Variants in CUX2 observed in about 807,000 individuals in gnomAD.
CUX2 encodes homeobox protein cut-like 2.
CUX2 carries 40 observed loss-of-function variants against 144.8 expected under a neutral mutation model. That is an observed-to-expected ratio of 0.28 (90% CI 0.21 to 0.36). CUX2 has a LOEUF of 0.36. Among genes scored for constraint, CUX2 ranks in the 10% least tolerant of loss-of-function variants. The pLI, the probability that CUX2 is intolerant of heterozygous loss-of-function variation, is 1.00. For synonymous variants in CUX2, 827 were observed against 875.6 expected, an observed-to-expected ratio of 0.94 and a Z score of 0.98; for missense variants, 1,615 against 1,994.0, an observed-to-expected ratio of 0.81 and a Z score of 3.62.
chr12:111,328,709 C>T (rs1887939211), intron 18 of CUX2, among the ~76,000 whole-genome samples: 1 of 151,760 alleles, frequency 6.6e-6, no homozygotes, highest in Non-Finnish European at 1.5e-5. Context: ...AAGCAATTCT[C>T]CTGCCTCAGT....
At chr12:111,249,644 A>G (rs1883471541) in intron 3 of CUX2, among the ~76,000 whole-genome samples, 1 of 151,472 alleles carries the variant, frequency 6.6e-6, no homozygotes, top group South Asian at 2.1e-4. Flanking sequence ...TTTAGTAGAG[A>G]CAGGGTTTCA....
At chr12:111,152,643 G>A (rs1404333740) in intron 1 of CUX2, among the ~76,000 whole-genome samples, 1 of 152,250 alleles carries the variant, frequency 6.6e-6, no homozygotes, top group Non-Finnish European at 1.5e-5. Flanking sequence ...TGCAATGTCT[G>A]TTATTGGGCC....
At chr12:111,166,844 C>T (rs576901012) in intron 1 of CUX2, among the ~76,000 whole-genome samples, 11 of 152,218 alleles carry the variant, frequency 7.2e-5, no homozygotes, top group East Asian at 1.9e-4. Context: ...CTTTCTGGGA[C>T]GCGTGCCGGC....
At chr12:111,303,946 G>T (rs191025208) in intron 9 of CUX2, among the ~76,000 whole-genome samples, 1 of 152,252 alleles carries the variant, frequency 6.6e-6, no homozygotes, top group Non-Finnish European at 1.5e-5. Flanking sequence ...GGCACCCCAC[G>T]AGAACCCAGA....
intron 18 of CUX2, among the ~76,000 whole-genome samples, chr12:111,329,492 G>T (rs895530756): frequency 6.6e-6 from 1 of 152,164 alleles, no homozygotes; most frequent in Non-Finnish European, 1.5e-5. Context: ...GAGTGGGATT[G>T]GGGGGTGGCT....
At chr12:111,195,732 T>G (rs1269074781) in intron 1 of CUX2, among the ~76,000 whole-genome samples, 1 of 152,224 alleles carries the variant, frequency 6.6e-6, no homozygotes, top group East Asian at 1.9e-4. Context: ...ATAATGTTTG[T>G]TATAATCTTG....
chr12:111,180,152 C>A (rs915710871), intron 1 of CUX2, among the ~76,000 whole-genome samples: 3 of 151,242 alleles, frequency 2.0e-5, no homozygotes, highest in Non-Finnish European at 4.4e-5. Context: ...TCCCTCCTCA[C>A]CTTGGACAAC....
At chr12:111,313,885 AGACT>A (rs559869549) in intron 16 of CUX2, among the ~76,000 whole-genome samples, 181 of 152,306 alleles carry the variant, frequency 1.2e-3, no homozygotes, top group African/African-American at 4.3e-3. Flanking sequence ...AGCACAGCGT[AGACT>A]GACTGAGACC....
chr12:111,244,486 G>C (rs907059589), intron 3 of CUX2, among the ~76,000 whole-genome samples: 5 of 152,258 alleles, frequency 3.3e-5, no homozygotes, highest in Non-Finnish European at 7.3e-5. Context: ...GGAGCTGCAA[G>C]ACATTGAGCA....
chr12:111,175,044 G>A (rs951406944), intron 1 of CUX2, among the ~76,000 whole-genome samples: 1 of 152,090 alleles, frequency 6.6e-6, no homozygotes, highest in Admixed American at 6.5e-5. Flanking sequence ...CAGAAGAGGG[G>A]GCCGTACAGG....
intron 1 of CUX2, among the ~76,000 whole-genome samples, chr12:111,071,790 C>T (rs953053156): frequency 1.3e-5 from 2 of 152,158 alleles, no homozygotes; most frequent in Non-Finnish European, 2.9e-5. Flanking sequence ...AGTGTAAGGT[C>T]TGTGTCTCTA....
At position 111,248,733 on chromosome 12, in the gene CUX2, T is replaced by A. The variant is rs537360658; in HGVS notation, c.223-15028T>A. 3.9e-5 allele frequency among the ~76,000 whole-genome samples: 6 copies of A among 152,174 alleles called. No individual in the cohort carries two copies. The East Asian group carries it at 1.2e-3, about 29-fold the overall frequency. On this transcript the variant is annotated intron_variant, in intron 3 of 21. Transcript: ENST00000261726. The stretch of plus-strand genomic sequence containing the variant: ...GAGCCAAATGCAGACCCTCAGCCTG[T>A]CCCAACAGACGGCTGACACCCAGCT...
chr12:111,072,215 A>G (rs1215539136), intron 1 of CUX2, among the ~76,000 whole-genome samples: 1 of 152,226 alleles, frequency 6.6e-6, no homozygotes. Context: ...AGAACTGACA[A>G]CTTGACAATA....
rs547920513 is a variant in CUX2, at chr12:111,081,998, C to T, written c.63+47758C>T. Among the ~76,000 whole-genome samples the T allele has an allele frequency of 2.6e-5, 4 of 152,288 alleles. No homozygotes were observed. The South Asian group carries it at 6.2e-4, about 24-fold the overall frequency. Reference sequence around the variant, plus strand: ...GGCTCCCTCACCCTGAGAGGAATGACACAGATGCCTGTTTTGCTCTTCCTT... The same window carrying T: ...GGCTCCCTCACCCTGAGAGGAATGATACAGATGCCTGTTTTGCTCTTCCTT... On this transcript the variant is annotated intron_variant, in intron 1 of 21. Coordinates refer to ENST00000261726, the MANE Select transcript of CUX2 (RefSeq NM_015267.4).
intron 1 of CUX2, among the ~76,000 whole-genome samples, chr12:111,102,488 G>A (rs1873314559): frequency 6.6e-6 from 1 of 152,228 alleles, no homozygotes; most frequent in Non-Finnish European, 1.5e-5. Flanking sequence ...ACCACACTGT[G>A]CCCTGAGCCC....
chr12:111,067,757 ACAT>A (rs1871081862), intron 1 of CUX2, among the ~76,000 whole-genome samples: 1 of 152,144 alleles, frequency 6.6e-6, no homozygotes, highest in Non-Finnish European at 1.5e-5. Flanking sequence ...TGTTTGAAGA[ACAT>A]CATGTGGAGA....
At chr12:111,110,288 A>T (rs1396226128) in intron 1 of CUX2, among the ~76,000 whole-genome samples, 3 of 152,152 alleles carry the variant, frequency 2.0e-5, no homozygotes, top group African/African-American at 7.2e-5. Flanking sequence ...TTGCTACTTG[A>T]CATGATACAA....
At chr12:111,188,653 G>A (rs905340593) in intron 1 of CUX2, among the ~76,000 whole-genome samples, 10 of 152,180 alleles carry the variant, frequency 6.6e-5, no homozygotes, top group African/African-American at 2.4e-4. Context: ...GGGGAAAGGA[G>A]GGCAGAGAAG....
At chr12:111,300,506 G>T (rs540741763) in intron 9 of CUX2, among the ~76,000 whole-genome samples, 1 of 152,100 alleles carries the variant, frequency 6.6e-6, no homozygotes, top group African/African-American at 2.4e-5. Context: ...AGCTCCTTCC[G>T]TATCAGTATA....
Sources: gnomAD v4.1 joint callset for allele counts (sites outside exome capture counted in the v4.1 genomes callset) on GRCh38, gnomAD v4.1.1 for gene constraint, MANE v1.5 for transcripts, NCBI Gene and HGNC (gene_info 2026-07-23, HGNC 2026-07-21) for gene names.